Variants in ACAD11 observed in about 807,000 individuals in gnomAD.
ACAD11 encodes the protein acyl-CoA dehydrogenase family member 11.
ACAD11 carries 83 observed loss-of-function variants against 102.2 expected under a neutral mutation model. The observed-to-expected ratio is 0.81, with a 90% confidence interval of 0.68 to 0.97. The LOEUF is 0.97. Among genes scored for constraint, ACAD11 ranks in the 50% least tolerant of loss-of-function variants. ACAD11 has a pLI of 0.00. For missense variants in ACAD11, 901 were observed against 951.7 expected, an observed-to-expected ratio of 0.95 and a Z score of 0.70; for synonymous variants, 324 against 319.8, an observed-to-expected ratio of 1.01 and a Z score of -0.14.
At chr3:132,609,013 T>C (rs1938989864) in intron 11 of ACAD11, among the ~76,000 whole-genome samples, 1 of 152,050 alleles carries the variant, frequency 6.6e-6, no homozygotes, top group Admixed American at 6.6e-5. Context: ...ATCTATATGA[T>C]AACTGAACAA....
intron 15 of ACAD11, 76 bp downstream of exon 15, chr3:132,578,720 G>A: frequency 1.4e-6 from 2 of 1,467,586 alleles, no homozygotes. Flanking sequence ...GCATTAAAAT[G>A]CTATTGCCTT....
chr3:132,656,267 A>G (rs561977847), intron 1 of ACAD11, among the ~76,000 whole-genome samples: 11 of 152,290 alleles, frequency 7.2e-5, no homozygotes, highest in Non-Finnish European at 1.6e-4. Flanking sequence ...TTTTGCTATT[A>G]CAAACAGTAC....
chr3:132,585,149 T>C (rs1220992540), intron 13 of ACAD11, among the ~76,000 whole-genome samples: 2 of 152,028 alleles, frequency 1.3e-5, no homozygotes, highest in African/African-American at 2.4e-5. Context: ...AACAGAGATA[T>C]AGACCAATGG....
At chr3:132,582,114 T>C (rs575684801) in intron 13 of ACAD11, among the ~76,000 whole-genome samples, 265 of 152,044 alleles carry the variant, frequency 1.7e-3, no homozygotes, top group African/African-American at 6.2e-3. Flanking sequence ...GCAGAGAACT[T>C]TAACAATTAT....
intron 11 of ACAD11, among the ~76,000 whole-genome samples, chr3:132,614,595 A>G (rs1378083395): frequency 1.3e-5 from 2 of 152,206 alleles, no homozygotes; most frequent in African/African-American, 4.8e-5. Flanking sequence ...TATTTAATAA[A>G]TGGTGTTGGG....
chr3:132,641,201 T>C (rs1576615490), intron 4 of ACAD11, among the ~76,000 whole-genome samples: 3 of 152,264 alleles, frequency 2.0e-5, no homozygotes, highest in Admixed American at 6.5e-5. Flanking sequence ...TCAGCAGGTA[T>C]TAAACACACA....
intron 9 of ACAD11, among the ~76,000 whole-genome samples, chr3:132,623,874 T>C (rs951677495): frequency 3.9e-5 from 6 of 152,152 alleles, no homozygotes; most frequent in Admixed American, 6.5e-5. Context: ...CTCTGAATGA[T>C]GGGCTGATTG....
intron 9 of ACAD11, among the ~76,000 whole-genome samples, chr3:132,625,111 A>C (rs1276443832): frequency 6.6e-6 from 1 of 152,076 alleles, no homozygotes; most frequent in African/African-American, 2.4e-5. Flanking sequence ...AAACATCTTG[A>C]TTTCTTTTCC....
At chr3:132,562,207 C>T (rs962533132) in intron 17 of ACAD11, among the ~76,000 whole-genome samples, 13 of 152,176 alleles carry the variant, frequency 8.5e-5, no homozygotes, top group African/African-American at 2.9e-4. Flanking sequence ...TGGGTTCAAG[C>T]GATTCTCCTG....
At chr3:132,585,677 A>T (rs1227996777) in intron 13 of ACAD11, among the ~76,000 whole-genome samples, 1 of 152,200 alleles carries the variant, frequency 6.6e-6, no homozygotes. Context: ...AAAAGTGGGC[A>T]AAGGATATGA....
intron 16 of ACAD11, 113 bp from the exon 17 acceptor site, chr3:132,576,039 C>G: frequency 3.9e-6 from 5 of 1,281,832 alleles, no homozygotes; most frequent in Non-Finnish European, 5.3e-6. Flanking sequence ...AAATGGCTTT[C>G]TAGTGAAAAA....
chr3:132,632,332 G>A (rs56853883), intron 5 of ACAD11, among the ~76,000 whole-genome samples: 3,962 of 152,022 alleles, frequency 0.026, 169 homozygotes, highest in African/African-American at 0.09. Context: ...TGATCCGCCC[G>A]CCTTGGCCGC....
intron 5 of ACAD11, among the ~76,000 whole-genome samples, chr3:132,631,816 T>C (rs978477797): frequency 5.9e-5 from 9 of 152,234 alleles, no homozygotes; most frequent in Non-Finnish European, 8.8e-5. Context: ...TATATTTTAA[T>C]AATCCATGTT....
intron 11 of ACAD11, chr3:132,618,411 T>C: frequency 2.2e-6 from 1 of 465,014 alleles, no homozygotes; most frequent in South Asian, 5.6e-5. Context: ...TGGCTAATTT[T>C]TTTCACCAAT....
rs1939246442 is a variant in ACAD11 at position 132,613,258 on chromosome 3, G to C, written c.1414+5376C>G. 4.0e-5 allele frequency among the ~76,000 whole-genome samples: 6 copies of C among 151,766 alleles called. 1 individual carries two copies. The South Asian group carries it at 1.2e-3, about 31-fold the overall frequency. ...GGGGAAGGGGGGAGGGATAGCATTA[G>C]GAGAGATACCTAATGCTAAATGACG... On this transcript the variant is annotated intron_variant, in intron 11 of 19. Transcript: ENST00000264990.
intron 14 of ACAD11, chr3:132,579,201 C>G (rs989543231): frequency 6.7e-5 from 51 of 763,604 alleles, no homozygotes; most frequent in South Asian, 5.0e-4. Flanking sequence ...CACTTCATTA[C>G]ACAGGTCTGA....
intron 13 of ACAD11, among the ~76,000 whole-genome samples, chr3:132,580,604 T>C (rs1937583866): frequency 6.6e-6 from 1 of 152,042 alleles, no homozygotes; most frequent in Non-Finnish European, 1.5e-5. Context: ...GAAATGTGAA[T>C]AGTTATTGGA....
chr3:132,562,395 G>A (rs1462726077), intron 17 of ACAD11, among the ~76,000 whole-genome samples: 3 of 152,186 alleles, frequency 2.0e-5, no homozygotes, highest in African/African-American at 2.4e-5. Context: ...GAGCCATCGC[G>A]AGATTATTCA....
At chr3:132,594,928 G>C (rs1300542024) in intron 13 of ACAD11, among the ~76,000 whole-genome samples, 1 of 152,156 alleles carries the variant, frequency 6.6e-6, no homozygotes, top group East Asian at 1.9e-4. Context: ...TAGTCATTAT[G>C]TGTCAGGTAT....
Sources: allele counts gnomAD v4.1 joint callset (sites outside exome capture counted in the v4.1 genomes callset), GRCh38; gene constraint gnomAD v4.1.1; transcripts MANE v1.5; gene names NCBI Gene and HGNC (gene_info 2026-07-23, HGNC 2026-07-21).